The following ERBIN variants were observed in gnomAD, a reference collection of about 807,000 sequenced individuals.
The protein encoded by ERBIN is densin-180-like protein.
Under a neutral mutation model 158.4 loss-of-function variants are expected in ERBIN, and 60 were observed. The observed-to-expected ratio is 0.38, with a 90% confidence interval of 0.31 to 0.47. The LOEUF is 0.47. Ranked by LOEUF, ERBIN falls within the 20% of genes least tolerant of loss-of-function variation. ERBIN has a pLI of 0.99. For synonymous variants in ERBIN, 594 were observed against 557.2 expected (o/e 1.07, Z -0.93); for missense variants, 1,610 against 1,648.0 (o/e 0.98, Z 0.40).
chr5:65,976,830 G>T (rs1749938921), intron 1 of ERBIN, among the ~76,000 whole-genome samples: 1 of 150,656 alleles, frequency 6.6e-6, no homozygotes, highest in Admixed American at 6.6e-5. Context: ...CACAGGGTTG[G>T]GGGTAAGGTC....
intron 1 of ERBIN, among the ~76,000 whole-genome samples, chr5:65,940,440 C>G (rs1744753704): frequency 7.3e-6 from 1 of 137,392 alleles, no homozygotes; most frequent in Non-Finnish European, 1.6e-5. Flanking sequence ...CCCGCCCGGC[C>G]AGCTGCCCCG....
intron 20 of ERBIN, among the ~76,000 whole-genome samples, chr5:66,052,274 A>G (rs1241824800): frequency 6.6e-6 from 1 of 151,874 alleles, no homozygotes; most frequent in Non-Finnish European, 1.5e-5. Flanking sequence ...AGTCATTTAG[A>G]GTTGTTCTTA....
At chr5:66,049,468 T>C (rs1234173981) in intron 19 of ERBIN, among the ~76,000 whole-genome samples, 2 of 152,140 alleles carry the variant, frequency 1.3e-5, no homozygotes, top group East Asian at 1.9e-4. Context: ...TGAGCACTAA[T>C]TGCTTAGGTA....
chr5:66,026,168 T>TAAAA, intron 12 of ERBIN, 134 bp from the exon 13 acceptor site: 1 of 695,690 alleles, frequency 1.4e-6, no homozygotes, highest in East Asian at 3.1e-5. Flanking sequence ...AAAAATTAAT[T>TAAAA]AAAAAGAAAG....
intron 15 of ERBIN, among the ~76,000 whole-genome samples, chr5:66,039,556 T>C (rs1031440665): frequency 1.3e-5 from 2 of 152,024 alleles, no homozygotes; most frequent in African/African-American, 4.8e-5. Context: ...ATTCAAGTAT[T>C]TGCTGTAATT....
In ERBIN at chr5:66,048,020, A is replaced by AGG. The variant is rs201048707; in HGVS notation, c.1789-643_1789-642dup. Reference sequence around the variant, plus strand: ...AGGAAGATTTATGGCTGCCTTGAGAAGGGGGCATTTCACCTGTGTTTTGGA... The same window carrying AGG: ...AGGAAGATTTATGGCTGCCTTGAGAAGGGGGGGCATTTCACCTGTGTTTTGGA... On this transcript the variant is annotated intron_variant, in intron 18 of 25. Transcript: ENST00000284037. Among the ~76,000 whole-genome samples, 947 of 152,076 alleles carry AGG rather than the reference A, an allele frequency of 6.2e-3. 12 individuals are homozygous for AGG. Among genetic ancestry groups the AGG allele is most frequent in the African/African-American group, 0.022 (907 of 41,552 alleles).
At chr5:65,941,227 A>C (rs1437243391) in intron 1 of ERBIN, among the ~76,000 whole-genome samples, 1 of 150,480 alleles carries the variant, frequency 6.6e-6, no homozygotes, top group Non-Finnish European at 1.5e-5. Context: ...ACCTTTGTTC[A>C]CTTGTTTATC....
At chr5:66,074,618 G>A (rs932456528) in intron 22 of ERBIN, among the ~76,000 whole-genome samples, 7 of 152,144 alleles carry the variant, frequency 4.6e-5, no homozygotes, top group Admixed American at 4.6e-4. Flanking sequence ...GTTTGATTTA[G>A]TATGGGAAAA....
intron 1 of ERBIN, among the ~76,000 whole-genome samples, chr5:65,949,143 A>G (rs1746186747): frequency 2.0e-5 from 3 of 152,084 alleles, no homozygotes; most frequent in African/African-American, 7.2e-5. Context: ...AAATATTTAT[A>G]TTTACGTAGA....
chr5:66,010,127 C>G (rs189963957), intron 4 of ERBIN, among the ~76,000 whole-genome samples: 3 of 152,160 alleles, frequency 2.0e-5, no homozygotes, highest in African/African-American at 4.8e-5. Context: ...TTTGTTAGGT[C>G]TCGTGGGTCC....
At chr5:66,047,731 T>C (rs1181443056) in intron 18 of ERBIN, among the ~76,000 whole-genome samples, 1 of 152,002 alleles carries the variant, frequency 6.6e-6, no homozygotes, top group Non-Finnish European at 1.5e-5. Flanking sequence ...GAATAATTTT[T>C]TAAAAAAAGG....
chr5:66,081,849 A>G lies in ERBIN; in HGVS notation c.*3319A>G, dbSNP rs985362413. 1.3e-5 allele frequency: 2 copies of G among 152,088 alleles called. No homozygotes were observed. The highest frequency in any genetic ancestry group is 4.8e-5 in the African/African-American group (2 of 41,426). The allele number at this position is 152,088 out of a possible 1,614,324, so 9.4% of individuals were successfully genotyped here. On this transcript the variant is annotated 3_prime_UTR_variant, in exon 26 of 26. Coordinates refer to ENST00000284037, the MANE Select transcript of ERBIN (RefSeq NM_001253697.2). ...TTATGAAATGGACATTGAAATAAAAATTATGATTCAAGAGCATTAATTGAT... is the reference window on the plus strand; with the variant it reads ...TTATGAAATGGACATTGAAATAAAAGTTATGATTCAAGAGCATTAATTGAT...
At chr5:66,038,597 C>A in intron 15 of ERBIN, 115 bp downstream of exon 15, 1 of 674,106 alleles carries the variant, frequency 1.5e-6, no homozygotes, top group Non-Finnish European at 2.4e-6. Flanking sequence ...AGAGAATTGA[C>A]CAAAACAGTT....
Position 65,951,290 on chromosome 5 carries a change from T to C in ERBIN, c.-58+24484T>C, listed in dbSNP as rs138771755. ...CTTAGACTATTGTGTTTCTCTCTCT[T>C]GCATTAGAAATAAGTTTCATGAGGG... is the stretch of plus-strand genomic sequence containing the variant. On this transcript the variant is annotated intron_variant, in intron 1 of 25. Coordinates refer to ENST00000284037, the MANE Select transcript of ERBIN (RefSeq NM_001253697.2). Among the ~76,000 whole-genome samples the C allele has an allele frequency of 3.4e-4, 52 of 152,362 alleles. 1 individual carries two copies. In the East Asian group the frequency reaches 9.8e-3, roughly 29 times the overall value.
At position 66,080,168 on chromosome 5, in the gene ERBIN, C is replaced by CA. The variant is rs1762322155; in HGVS notation, c.*1639dup. 1 of 152,542 alleles carries CA rather than the reference C, an allele frequency of 6.6e-6. No individual in the cohort carries two copies. The highest frequency in any genetic ancestry group is 1.5e-5 in the Non-Finnish European group (1 of 67,982). 9.4% of individuals were successfully genotyped at this position (152,542 alleles called of 1,614,324 possible). A position where few individuals can be genotyped will look rare whatever the true frequency, so the allele number is the denominator to read the frequency against. On this transcript the variant is annotated 3_prime_UTR_variant, in exon 26 of 26. Transcript: ENST00000284037. The stretch of plus-strand genomic sequence containing the variant: ...AGACTTTTATAAGACTAGCTTAAAA[C>CA]ACCAACCAACATTATTTTTGCAAAA...
chr5:66,003,984 G>T (rs1753282158), intron 4 of ERBIN, among the ~76,000 whole-genome samples: 1 of 144,114 alleles, frequency 6.9e-6, no homozygotes, highest in Non-Finnish European at 1.5e-5. Context: ...TGTTTCCCAG[G>T]CTGGAGTACA....
chr5:66,011,477 C>T (rs1754193059), intron 4 of ERBIN, among the ~76,000 whole-genome samples: 1 of 152,182 alleles, frequency 6.6e-6, no homozygotes, highest in African/African-American at 2.4e-5. Context: ...CACCTGAGGT[C>T]AGGAGTTCGA....
chr5:65,964,949 T>A (rs1748389852), intron 1 of ERBIN, among the ~76,000 whole-genome samples: 1 of 130,548 alleles, frequency 7.7e-6, no homozygotes, highest in African/African-American at 3.4e-5. Context: ...TGTGTGTAAT[T>A]TTTTTTTTTT....
intron 7 of ERBIN, among the ~76,000 whole-genome samples, chr5:66,018,593 A>ATATATTATATAATATATAT (rs1561381674): frequency 4.6e-4 from 4 of 8,674 alleles, no homozygotes; most frequent in African/African-American, 8.6e-4. Flanking sequence ...ATATTATATA[A>ATATATTATATAATATATAT]TATATATTAT....
Sources: allele counts gnomAD v4.1 joint callset (sites outside exome capture counted in the v4.1 genomes callset), GRCh38; gene constraint gnomAD v4.1.1; transcripts MANE v1.5; gene names NCBI Gene and HGNC (gene_info 2026-07-23, HGNC 2026-07-21).